NBAS: variants seen among roughly 807,000 people sequenced by gnomAD.
NBAS encodes the protein NBAS subunit of NRZ tethering complex.
Under a neutral mutation model 302.5 loss-of-function variants are expected in NBAS, and 219 were observed. That is an observed-to-expected ratio of 0.72 (90% confidence interval 0.65 to 0.81). The LOEUF is 0.81. NBAS is among the 30% of genes least tolerant of loss of function. The pLI, the probability that NBAS is intolerant of heterozygous loss-of-function variation, is 0.00. For synonymous variants in NBAS, 1,118 were observed against 1,021.6 expected (o/e 1.09, Z -1.80); for missense variants, 2,932 against 2,841.6 (o/e 1.03, Z -0.72).
At chr2:15,006,414 C>T in the NBAS span, among the ~76,000 whole-genome samples, 2 of 152,020 alleles carry the variant, frequency 1.3e-5, no homozygotes, top group Admixed American at 6.6e-5. Context: ...ACTGTGTCGC[C>T]TCTATTTAAG....
intron 14 of NBAS, among the ~76,000 whole-genome samples, chr2:15,475,395 T>C (rs1680145117): frequency 6.6e-6 from 1 of 152,182 alleles, no homozygotes; most frequent in African/African-American, 2.4e-5. Flanking sequence ...TCTTAGGTAC[T>C]GATACCATTC....
chr2:15,107,494 A>C, the NBAS span, among the ~76,000 whole-genome samples: 1 of 152,074 alleles, frequency 6.6e-6, no homozygotes, highest in Non-Finnish European at 1.5e-5. Context: ...AGGATACTAA[A>C]AGGTAACAGG....
At chr2:15,347,711 A>C (rs1673160213) in intron 35 of NBAS, among the ~76,000 whole-genome samples, 3 of 152,212 alleles carry the variant, frequency 2.0e-5, no homozygotes, top group Non-Finnish European at 2.9e-5. Flanking sequence ...GATATACCTA[A>C]TACTAGCTAA....
the NBAS span, among the ~76,000 whole-genome samples, chr2:15,021,295 G>A: frequency 6.6e-6 from 1 of 151,972 alleles, no homozygotes; most frequent in African/African-American, 2.4e-5. Context: ...CTGAAAGAAT[G>A]CAGAGTCCAG....
At chr2:15,123,521 A>C in the NBAS span, among the ~76,000 whole-genome samples, 1 of 152,172 alleles carries the variant, frequency 6.6e-6, no homozygotes, top group African/African-American at 2.4e-5. Context: ...GGTGGGCCCT[A>C]CGGGGAGGTG....
the NBAS span, among the ~76,000 whole-genome samples, chr2:15,086,623 G>C: frequency 2.0e-5 from 3 of 152,226 alleles, no homozygotes; most frequent in South Asian, 6.2e-4. Context: ...GCATCTCCAA[G>C]CTTCCGGTGC....
At chr2:15,149,740 G>T in the NBAS span, among the ~76,000 whole-genome samples, 18 of 152,166 alleles carry the variant, frequency 1.2e-4, no homozygotes, top group Admixed American at 1.2e-3. Flanking sequence ...GGAATGACAG[G>T]TGTAAGCCAC....
intron 21 of NBAS, among the ~76,000 whole-genome samples, chr2:15,435,264 T>C (rs893821536): frequency 3.3e-5 from 5 of 152,226 alleles, no homozygotes; most frequent in Non-Finnish European, 5.9e-5. Flanking sequence ...GCACAGATTA[T>C]GCCTATGCAG....
chr2:14,866,949 G>A, the NBAS span, among the ~76,000 whole-genome samples: 1 of 152,138 alleles, frequency 6.6e-6, no homozygotes, highest in African/African-American at 2.4e-5. Flanking sequence ...AGATCTAACT[G>A]CGACACTGAG....
chr2:15,260,882 C>G (rs776984673), intron 44 of NBAS, among the ~76,000 whole-genome samples: 16 of 152,074 alleles, frequency 1.1e-4, no homozygotes, highest in Non-Finnish European at 2.2e-4. Context: ...ACGATATGAC[C>G]CCCTACTAAG....
the NBAS span, among the ~76,000 whole-genome samples, chr2:15,106,717 G>A: frequency 3.3e-5 from 5 of 151,808 alleles, no homozygotes; most frequent in Non-Finnish European, 4.4e-5. Context: ...GTTTAGGTTC[G>A]TCCAGAATCA....
At chr2:14,987,008 G>T in the NBAS span, among the ~76,000 whole-genome samples, 1 of 151,984 alleles carries the variant, frequency 6.6e-6, no homozygotes, top group Non-Finnish European at 1.5e-5. Context: ...ATTCCTAGTG[G>T]AATTGATGTC....
chr2:15,532,080 ATAAAT>A (rs1464968891), intron 9 of NBAS, among the ~76,000 whole-genome samples: 1 of 152,240 alleles, frequency 6.6e-6, no homozygotes, highest in Non-Finnish European at 1.5e-5. Flanking sequence ...GAATAAATGA[ATAAAT>A]AAAAATGGAA....
chr2:14,960,030 T>C, the NBAS span, among the ~76,000 whole-genome samples: 1 of 152,220 alleles, frequency 6.6e-6, no homozygotes, highest in Non-Finnish European at 1.5e-5. Flanking sequence ...ATGACGTTTC[T>C]TTTACCTTAT....
chr2:15,186,296 G>A (rs1644968998), intron 50 of NBAS, among the ~76,000 whole-genome samples: 1 of 152,092 alleles, frequency 6.6e-6, no homozygotes, highest in Admixed American at 6.6e-5. Context: ...ATACTTCGCA[G>A]AGAAAGAATA....
intron 21 of NBAS, among the ~76,000 whole-genome samples, chr2:15,431,086 C>T (rs1037342144): frequency 2.6e-4 from 40 of 152,168 alleles, no homozygotes; most frequent in African/African-American, 7.5e-4. Flanking sequence ...GGATTACAGG[C>T]GTGCGCCACT....
At chr2:15,481,118 T>C (rs1312286051) in intron 12 of NBAS, among the ~76,000 whole-genome samples, 1 of 152,232 alleles carries the variant, frequency 6.6e-6, no homozygotes, top group Non-Finnish European at 1.5e-5. Flanking sequence ...TAGTATAATA[T>C]TCTCAAAGTC....
chr2:15,007,942 C>T, the NBAS span, among the ~76,000 whole-genome samples: 2 of 152,180 alleles, frequency 1.3e-5, no homozygotes. Context: ...TAAGAGCTAT[C>T]ATGAAGATTT....
the NBAS span, among the ~76,000 whole-genome samples, chr2:14,997,800 C>T: frequency 6.6e-6 from 1 of 152,146 alleles, no homozygotes; most frequent in African/African-American, 2.4e-5. Flanking sequence ...TAGAAACCAT[C>T]CTTTACTCTC....
Sources: gnomAD v4.1 joint callset for allele counts (sites outside exome capture counted in the v4.1 genomes callset) on GRCh38, gnomAD v4.1.1 for gene constraint, MANE v1.5 for transcripts, NCBI Gene and HGNC (gene_info 2026-07-23, HGNC 2026-07-21) for gene names.